PKHD1: variants seen among roughly 807,000 people sequenced by gnomAD.
PKHD1 encodes fibrocystin.
In PKHD1, 291 loss-of-function variants were observed where a neutral mutation model predicts 412.0. That is an observed-to-expected ratio of 0.71 (90% CI 0.64 to 0.78). The LOEUF (loss-of-function observed/expected upper bound fraction) is 0.78. PKHD1 is among the 30% of genes least tolerant of loss of function. The pLI, the probability that PKHD1 is intolerant of heterozygous loss-of-function variation, is 0.00. For missense variants in PKHD1, 4,825 were observed against 4,950.7 expected (o/e 0.97, Z 0.76); for synonymous variants, 1,777 against 1,821.5 (o/e 0.98, Z 0.62).
intron 35 of PKHD1, among the ~76,000 whole-genome samples, chr6:51,990,728 ATCTC>A (rs147177651): frequency 2.0e-5 from 3 of 147,348 alleles, no homozygotes; most frequent in Admixed American, 6.8e-5. Context: ...CTCTTTTCCC[ATCTC>A]TCTCTCTCTC....
chr6:51,744,816 A>G lies in PKHD1; in HGVS notation c.9999-274T>C, dbSNP rs551462058. On this transcript the variant is annotated intron_variant, in intron 59 of 66. Transcript: ENST00000371117. ...GATTTTTTAAGAAGCAAGATACAAT[A>G]AAGTGTTCCTCTCATAACAACTGAA... Among the ~76,000 whole-genome samples, 7 of 152,328 alleles carry G rather than the reference A, an allele frequency of 4.6e-5. 1 individual carries two copies. The highest frequency in any genetic ancestry group is 1.7e-4 in the African/African-American group (7 of 41,578).
At chr6:51,908,325 G>A (rs537494588) in intron 40 of PKHD1, among the ~76,000 whole-genome samples, 1 of 152,146 alleles carries the variant, frequency 6.6e-6, no homozygotes, top group African/African-American at 2.4e-5. Context: ...GCAATTACCT[G>A]TTAGAATCCT....
intron 61 of PKHD1, among the ~76,000 whole-genome samples, chr6:51,650,583 T>C (rs940094460): frequency 2.0e-5 from 3 of 152,138 alleles, no homozygotes; most frequent in Admixed American, 6.6e-5. Flanking sequence ...GGAGGGTGCA[T>C]GTCAGGAAAA....
chr6:51,667,250 G>T lies in PKHD1; in HGVS notation c.10157-7281C>A, dbSNP rs533771231. On this transcript the variant is annotated intron_variant, in intron 60 of 66. Transcript: ENST00000371117. Reference sequence around the variant, plus strand: ...ATGATTGCCATTCTAACTGGTGTGAGATGGTATCTCATTGTGGTTTTGATT... The same window carrying T: ...ATGATTGCCATTCTAACTGGTGTGATATGGTATCTCATTGTGGTTTTGATT... Among the ~76,000 whole-genome samples, 6 of 148,246 alleles carry T rather than the reference G, an allele frequency of 4.0e-5. No individual in the cohort carries two copies. In the East Asian group the frequency reaches 7.9e-4, roughly 20 times the overall value.
In PKHD1 at chr6:51,648,260, T is replaced by A; in HGVS notation, c.11311-142A>T. On this transcript the variant is annotated intron_variant, in intron 62 of 66. Transcript: ENST00000371117. ...TAAAGGAAAGAAAGTGATAAATAAA[T>A]GTCTTTCTCATGTTAAGAATATATC... 4 of 618,412 alleles carry A rather than the reference T, an allele frequency of 6.5e-6. No individual in the cohort carries two copies. In the South Asian group the frequency reaches 7.8e-5, roughly 12 times the overall value. 38.3% of individuals were successfully genotyped at this position (618,412 alleles called of 1,614,324 possible). A position where few individuals can be genotyped will look rare whatever the true frequency, so the allele number is the denominator to read the frequency against.
chr6:52,002,125 G>C (rs1441760837), intron 35 of PKHD1, among the ~76,000 whole-genome samples: 2 of 152,192 alleles, frequency 1.3e-5, no homozygotes, highest in Non-Finnish European at 2.9e-5. Flanking sequence ...AGAAGGATCA[G>C]CCTCAAATCC....
chr6:51,857,965 G>A (rs1773554928), intron 48 of PKHD1, among the ~76,000 whole-genome samples: 1 of 152,142 alleles, frequency 6.6e-6, no homozygotes, highest in East Asian at 1.9e-4. Flanking sequence ...CTTGTGAGGA[G>A]GGGAAAATGT....
chr6:51,740,089 T>C, intron 60 of PKHD1: 1 of 507,528 alleles, frequency 2.0e-6, no homozygotes, highest in South Asian at 1.4e-5. Context: ...GAGAATAAAA[T>C]GTAAATGGTT....
At chr6:51,897,657 A>G (rs1387336658) in intron 43 of PKHD1, among the ~76,000 whole-genome samples, 3 of 146,194 alleles carry the variant, frequency 2.1e-5, no homozygotes, top group African/African-American at 7.8e-5. Context: ...AAATTCACAC[A>G]TAACAATATT....
At chr6:51,821,941 A>G (rs1435891480) in intron 52 of PKHD1, among the ~76,000 whole-genome samples, 1 of 151,792 alleles carries the variant, frequency 6.6e-6, no homozygotes, top group African/African-American at 2.4e-5. Flanking sequence ...CCTGCCTCGG[A>G]CTCCCAAAGT....
chr6:51,936,144 C>T (rs1288283817), intron 36 of PKHD1, among the ~76,000 whole-genome samples: 1 of 152,168 alleles, frequency 6.6e-6, no homozygotes, highest in Non-Finnish European at 1.5e-5. Context: ...AGGTAGTTGG[C>T]ACTCAACACA....
intron 47 of PKHD1, among the ~76,000 whole-genome samples, chr6:51,869,202 CTTT>C (rs1210924930): frequency 6.6e-6 from 1 of 152,104 alleles, no homozygotes; most frequent in African/African-American, 2.4e-5. Flanking sequence ...TACTGGACTT[CTTT>C]GTGATTTCCC....
intron 52 of PKHD1, among the ~76,000 whole-genome samples, chr6:51,827,527 C>T (rs1767515096): frequency 1.3e-5 from 2 of 152,124 alleles, no homozygotes. Context: ...CATCCTATAT[C>T]CTGAAGGATC....
chr6:51,767,625 G>A (rs568490563), intron 55 of PKHD1, among the ~76,000 whole-genome samples: 2 of 152,244 alleles, frequency 1.3e-5, no homozygotes, highest in East Asian at 3.9e-4. Flanking sequence ...TTTCATCCAT[G>A]TCCCTACAAA....
intron 43 of PKHD1, among the ~76,000 whole-genome samples, chr6:51,889,293 T>G (rs1778736046): frequency 6.6e-6 from 1 of 152,184 alleles, no homozygotes; most frequent in African/African-American, 2.4e-5. Context: ...ACCATGACAC[T>G]GTGCCACTCA....
intron 55 of PKHD1, among the ~76,000 whole-genome samples, chr6:51,764,562 G>C (rs184550334): frequency 1.0e-3 from 156 of 149,958 alleles, no homozygotes; most frequent in Admixed American, 0.01. Flanking sequence ...TCCCATTACT[G>C]GGTATATACC....
At chr6:51,719,244 T>C (rs980335281) in intron 60 of PKHD1, among the ~76,000 whole-genome samples, 4 of 152,158 alleles carry the variant, frequency 2.6e-5, no homozygotes, top group Non-Finnish European at 5.9e-5. Context: ...GGTCTCACTC[T>C]GTTGCTCAGG....
chr6:51,902,153 G>A (rs771686594), intron 43 of PKHD1, among the ~76,000 whole-genome samples: 3 of 152,150 alleles, frequency 2.0e-5, no homozygotes, highest in Non-Finnish European at 2.9e-5. Flanking sequence ...GGCATTTGAT[G>A]TAGTCAACAT....
At chr6:51,675,337 G>C (rs1027283476) in intron 60 of PKHD1, among the ~76,000 whole-genome samples, 1 of 152,128 alleles carries the variant, frequency 6.6e-6, no homozygotes, top group African/African-American at 2.4e-5. Context: ...GGAAGGTTTA[G>C]TTTTGAGTAA....
Sources: allele counts gnomAD v4.1 joint callset (sites outside exome capture counted in the v4.1 genomes callset), GRCh38; gene constraint gnomAD v4.1.1; transcripts MANE v1.5; gene names NCBI Gene and HGNC (gene_info 2026-07-23, HGNC 2026-07-21).